YWHAG: variants seen among roughly 807,000 people sequenced by gnomAD.
YWHAG encodes 14-3-3 protein gamma.
In YWHAG, 1 loss-of-function variant was observed where a neutral mutation model predicts 23.3. The observed-to-expected ratio is 0.04, with a 90% CI of 0.02 to 0.20. The LOEUF (loss-of-function observed/expected upper bound fraction) is 0.20, where lower values mean the gene tolerates loss of function less well. Ranked by LOEUF, YWHAG falls within the 10% of genes least tolerant of loss-of-function variation. The pLI is 1.00. For missense variants in YWHAG, 151 were observed against 338.6 expected (o/e 0.45, Z 4.35); for synonymous variants, 160 against 144.0 (o/e 1.11, Z -0.80).
At chr7:76,358,695 C>A (rs375173242) in intron 1 of YWHAG, 27 bp downstream of exon 1, 9 of 1,529,442 alleles carry the variant, frequency 5.9e-6, no homozygotes, top group Non-Finnish European at 7.9e-6. Flanking sequence ...GGGCAGGGAG[C>A]GGCGGGGGAG....
At position 76,332,691 on chromosome 7, in the gene YWHAG, CTTTTTTT is replaced by C. The variant is rs1335846429; in HGVS notation, c.88-2465_88-2459del. On this transcript the variant is annotated intron_variant, in intron 1 of 1. Transcript: ENST00000307630. ...GTGCACCACCATGCATGGCTGATTT[CTTTTTTT>C]TTTTTTTTTGGAGACAGAGTTTCAA... Among the ~76,000 whole-genome samples the C allele has an allele frequency of 2.2e-5, 3 of 134,768 alleles. No individual in the cohort carries two copies. In the South Asian group the frequency reaches 7.2e-4, roughly 32 times the overall value. 88.4% of individuals were successfully genotyped at this position (134,768 alleles called of 152,430 possible).
chr7:76,340,271 TGG>T (rs1803673251), intron 1 of YWHAG, among the ~76,000 whole-genome samples: 1 of 152,254 alleles, frequency 6.6e-6, no homozygotes, highest in Non-Finnish European at 1.5e-5. Flanking sequence ...ATATAACCTA[TGG>T]TTTCCAAATA....
At chr7:76,341,835 T>C (rs1803698341) in intron 1 of YWHAG, among the ~76,000 whole-genome samples, 1 of 152,200 alleles carries the variant, frequency 6.6e-6, no homozygotes, top group Admixed American at 6.6e-5. Flanking sequence ...CTGAACATAC[T>C]GAAAACCATT....
intron 1 of YWHAG, among the ~76,000 whole-genome samples, chr7:76,356,654 G>C (rs947831193): frequency 1.3e-5 from 2 of 151,940 alleles, no homozygotes; most frequent in Non-Finnish European, 2.9e-5. Flanking sequence ...ATAAATTATC[G>C]TTTAAAATTT....
rs971980113 is a variant in YWHAG at position 76,327,709 on chromosome 7, G to T, written c.*1868C>A. Reference sequence around the variant, plus strand: ...CCCCCCAAATCGTCTTCCTCCCATGGCAATGACTTTAGGCGCCTGTGAGAG... The same window carrying T: ...CCCCCCAAATCGTCTTCCTCCCATGTCAATGACTTTAGGCGCCTGTGAGAG... On this transcript the variant is annotated 3_prime_UTR_variant, in exon 2 of 2. Coordinates refer to ENST00000307630, the MANE Select transcript of YWHAG (RefSeq NM_012479.4). The T allele has an allele frequency of 1.9e-5, 1 of 53,636 alleles. No individual in the cohort carries two copies. The highest frequency in any genetic ancestry group is 3.4e-5 in the Non-Finnish European group (1 of 28,988). 3.3% of individuals were successfully genotyped at this position (53,636 alleles called of 1,614,324 possible). A position where few individuals can be genotyped will look rare whatever the true frequency, so the allele number is the denominator to read the frequency against.
Position 76,358,918 on chromosome 7 carries a change from G to T in YWHAG, c.-110C>A, listed in dbSNP as rs950800770. On this transcript the variant is annotated 5_prime_UTR_variant, in exon 1 of 2. Transcript: ENST00000307630. ...GCCGGAGAGGACCGACCCACAGAGC[G>T]AGCAGCTGAGGCGGCGGCTGCGCGG... 11 of 1,030,580 alleles carry T rather than the reference G, an allele frequency of 1.1e-5. No individual in the cohort carries two copies. Among genetic ancestry groups the T allele is most frequent in the Non-Finnish European group, 1.3e-5 (10 of 757,240 alleles). The allele number at this position is 1,030,580 out of a possible 1,614,324, so 63.8% of individuals were successfully genotyped here.
At chr7:76,351,571 A>G (rs1803872891) in intron 1 of YWHAG, among the ~76,000 whole-genome samples, 1 of 152,174 alleles carries the variant, frequency 6.6e-6, no homozygotes, top group Non-Finnish European at 1.5e-5. Flanking sequence ...CACTGCTCGA[A>G]TTACCACCTG....
intron 1 of YWHAG, among the ~76,000 whole-genome samples, chr7:76,354,940 A>C (rs1803929969): frequency 6.6e-6 from 1 of 152,252 alleles, no homozygotes; most frequent in Non-Finnish European, 1.5e-5. Context: ...AACGTAGCTA[A>C]AGCTAATTCC....
At chr7:76,341,196 C>A (rs1448307200) in intron 1 of YWHAG, among the ~76,000 whole-genome samples, 1 of 152,034 alleles carries the variant, frequency 6.6e-6, no homozygotes, top group African/African-American at 2.4e-5. Context: ...AGTTTGAGAC[C>A]AGCCTGGGCA....
chr7:76,338,714 A>T (rs1352964677), intron 1 of YWHAG, among the ~76,000 whole-genome samples: 1 of 152,208 alleles, frequency 6.6e-6, no homozygotes, highest in Non-Finnish European at 1.5e-5. Context: ...GAAAAAAGGA[A>T]CGGAGAAAAG....
chr7:76,332,980 C>A (rs763880956), intron 1 of YWHAG, among the ~76,000 whole-genome samples: 19 of 151,006 alleles, frequency 1.3e-4, no homozygotes, highest in East Asian at 5.9e-4. Context: ...TTATTTATTT[C>A]TTTATTTAGA....
At chr7:76,339,238 G>C (rs1390321766) in intron 1 of YWHAG, among the ~76,000 whole-genome samples, 1 of 145,720 alleles carries the variant, frequency 6.9e-6, no homozygotes, top group Non-Finnish European at 1.5e-5. Context: ...GGGAGGCCAA[G>C]GTGGGCGGAT....
rs1241455601 is a variant in YWHAG, at chr7:76,358,967, G to C, written c.-159C>G. On this transcript the variant is annotated 5_prime_UTR_variant, in exon 1 of 2. Transcript: ENST00000307630. Reference sequence around the variant, plus strand: ...GGAGGAGGCGGCTGGAGCTGCGACCGCGGGACCGGGCGCGAGGCGGCTGCG... The same window carrying C: ...GGAGGAGGCGGCTGGAGCTGCGACCCCGGGACCGGGCGCGAGGCGGCTGCG... 1 of 570,304 alleles carries C rather than the reference G, an allele frequency of 1.8e-6. No homozygotes were observed. Among genetic ancestry groups the C allele is most frequent in the Non-Finnish European group, 2.8e-6 (1 of 360,924 alleles). 35.3% of individuals were successfully genotyped at this position (570,304 alleles called of 1,614,324 possible). A position where few individuals can be genotyped will look rare whatever the true frequency, so the allele number is the denominator to read the frequency against.
At chr7:76,351,899 C>T (rs986307101) in intron 1 of YWHAG, among the ~76,000 whole-genome samples, 3 of 152,328 alleles carry the variant, frequency 2.0e-5, no homozygotes, top group African/African-American at 4.8e-5. Flanking sequence ...TCACCCCACC[C>T]AGTCCATGGA....
At chr7:76,352,306 C>A (rs1563668236) in intron 1 of YWHAG, among the ~76,000 whole-genome samples, 2 of 152,154 alleles carry the variant, frequency 1.3e-5, no homozygotes, top group Non-Finnish European at 2.9e-5. Flanking sequence ...AAAGCCTTCC[C>A]CTCGCTCCCT....
intron 1 of YWHAG, among the ~76,000 whole-genome samples, chr7:76,336,984 C>T (rs933701472): frequency 1.3e-5 from 2 of 152,214 alleles, no homozygotes; most frequent in African/African-American, 4.8e-5. Context: ...AGTGGATAAA[C>T]CACTGCAAAC....
chr7:76,337,778 C>T (rs918811277), intron 1 of YWHAG, among the ~76,000 whole-genome samples: 15 of 152,086 alleles, frequency 9.9e-5, no homozygotes, highest in Non-Finnish European at 1.8e-4. Context: ...TCAAGTGATC[C>T]GCCCGCCTCA....
chr7:76,342,862 C>T (rs1402389708), intron 1 of YWHAG, among the ~76,000 whole-genome samples: 1 of 152,208 alleles, frequency 6.6e-6, no homozygotes, highest in East Asian at 1.9e-4. Context: ...ACCAGCCGGG[C>T]ACAGTGGCTC....
At chr7:76,336,930 C>T (rs1803624794) in intron 1 of YWHAG, among the ~76,000 whole-genome samples, 1 of 152,144 alleles carries the variant, frequency 6.6e-6, no homozygotes, top group South Asian at 2.1e-4. Context: ...TGACCAAGTG[C>T]AGGATGTGCG....
Sources: gnomAD v4.1 joint callset for allele counts (sites outside exome capture counted in the v4.1 genomes callset) on GRCh38, gnomAD v4.1.1 for gene constraint, MANE v1.5 for transcripts, NCBI Gene and HGNC (gene_info 2026-07-23, HGNC 2026-07-21) for gene names.